Variants in PPP2CB observed in about 807,000 individuals in gnomAD.
PPP2CB encodes serine/threonine-protein phosphatase 2A catalytic subunit beta isoform.
In PPP2CB, 18 loss-of-function variants were observed where a neutral mutation model predicts 39.1. The observed-to-expected ratio is 0.46, with a 90% CI of 0.32 to 0.68. The LOEUF (loss-of-function observed/expected upper bound fraction) is 0.68, where lower values mean the gene tolerates loss of function less well. Ranked by LOEUF, PPP2CB falls within the 30% of genes least tolerant of loss-of-function variation. The pLI is 0.04. For synonymous variants in PPP2CB, 129 were observed against 133.8 expected (o/e 0.96, Z 0.25); for missense variants, 226 against 396.9 (o/e 0.57, Z 3.66).
chr8:30,789,234 T>C (rs1586120122), intron 6 of PPP2CB, among the ~76,000 whole-genome samples: 1 of 152,290 alleles, frequency 6.6e-6, no homozygotes, highest in Non-Finnish European at 1.5e-5. Context: ...TTCTCCATGT[T>C]GGTCAGGCTG....
chr8:30,797,218 T>TAACC (rs2128761329), intron 3 of PPP2CB, among the ~76,000 whole-genome samples: 1 of 152,336 alleles, frequency 6.6e-6, no homozygotes, highest in African/African-American at 2.4e-5. Context: ...TTATTCATGG[T>TAACC]AACCAGCAGA....
intron 6 of PPP2CB, 53 bp from the exon 7 acceptor site, chr8:30,786,360 C>G: frequency 7.1e-7 from 1 of 1,402,594 alleles, no homozygotes; most frequent in Non-Finnish European, 9.8e-7. Flanking sequence ...GCAAAGAAAA[C>G]AAATGAATAA....
intron 1 of PPP2CB, among the ~76,000 whole-genome samples, chr8:30,805,484 C>T (rs374759495): frequency 6.6e-6 from 1 of 151,956 alleles, no homozygotes; most frequent in Admixed American, 6.6e-5. Flanking sequence ...GGCATGAACC[C>T]GGTAGGCGGA....
chr8:30,802,879 T>A (rs181180512), intron 1 of PPP2CB, among the ~76,000 whole-genome samples: 1 of 152,204 alleles, frequency 6.6e-6, no homozygotes, highest in Non-Finnish European at 1.5e-5. Context: ...ACCCTGGAAA[T>A]GAAATTCAAA....
intron 5 of PPP2CB, chr8:30,793,417 A>T (rs1563214695): frequency 6.6e-6 from 1 of 152,530 alleles, no homozygotes; most frequent in African/African-American, 2.4e-5. Flanking sequence ...GACAATTAGC[A>T]AAATTTGAAT....
intron 3 of PPP2CB, among the ~76,000 whole-genome samples, chr8:30,797,293 G>A (rs183950549): frequency 6.6e-6 from 1 of 152,324 alleles, no homozygotes; most frequent in East Asian, 1.9e-4. Context: ...ATACATCAGT[G>A]TCTTAAACAT....
chr8:30,791,166 G>C (rs376984577), intron 6 of PPP2CB, 31 bp downstream of exon 6: 12 of 1,427,610 alleles, frequency 8.4e-6, no homozygotes, highest in Non-Finnish European at 1.2e-5. Context: ...CCTTCTGAAA[G>C]TATATACAAT....
At chr8:30,797,901 G>T in intron 2 of PPP2CB, 147 bp from the exon 3 acceptor site, 1 of 757,758 alleles carries the variant, frequency 1.3e-6, no homozygotes, top group Non-Finnish European at 2.0e-6. Flanking sequence ...TAAAAAACTT[G>T]CTTATTCATA....
chr8:30,805,402 C>T (rs112490998), intron 1 of PPP2CB, among the ~76,000 whole-genome samples: 21,067 of 151,698 alleles, frequency 0.14, 1,571 homozygotes, highest in African/African-American at 0.21. Flanking sequence ...CTATTAAAAA[C>T]ACAAAAAATT....
intron 1 of PPP2CB, among the ~76,000 whole-genome samples, chr8:30,806,228 G>A (rs982153251): frequency 9.0e-5 from 13 of 144,106 alleles, no homozygotes; most frequent in African/African-American, 3.1e-4. Flanking sequence ...TTTTTTTTTT[G>A]TATTTTTAGT....
Position 30,786,309 on chromosome 8 carries a change from T to A in PPP2CB, c.858-2A>T. The A allele has an allele frequency of 6.4e-7, 1 of 1,571,332 alleles. No homozygotes were observed. The highest frequency in any genetic ancestry group is 8.6e-7 in the Non-Finnish European group (1 of 1,157,574). On this transcript the variant is annotated splice_acceptor_variant, in intron 6 of 6. Transcript: ENST00000221138. LOFTEE classifies it high-confidence loss of function. The stretch of plus-strand genomic sequence containing the variant: ...CGAGGCGCTGGGTCAAATTGAAGGC[T>A]GTAAATGGCAAAAAAGGAAGCAAAT...
At chr8:30,792,357 T>C (rs1806452706) in intron 5 of PPP2CB, among the ~76,000 whole-genome samples, 1 of 151,874 alleles carries the variant, frequency 6.6e-6, no homozygotes, top group Non-Finnish European at 1.5e-5. Flanking sequence ...GCCAGCTCAT[T>C]AGCTATATTT....
chr8:30,805,132 G>A (rs1041953729), intron 1 of PPP2CB, among the ~76,000 whole-genome samples: 5 of 152,194 alleles, frequency 3.3e-5, no homozygotes, highest in African/African-American at 1.2e-4. Flanking sequence ...ACTGCCCACA[G>A]GAACAAGCGC....
intron 1 of PPP2CB, 73 bp downstream of exon 1, chr8:30,812,247 G>C: frequency 8.3e-7 from 1 of 1,211,070 alleles, no homozygotes; most frequent in African/African-American, 1.6e-5. Flanking sequence ...GGGCGGACGG[G>C]ACCGGGGCGG....
At chr8:30,789,779 T>C (rs1381605477) in intron 6 of PPP2CB, among the ~76,000 whole-genome samples, 32 of 152,206 alleles carry the variant, frequency 2.1e-4, no homozygotes, top group Admixed American at 2.1e-3. Flanking sequence ...ATCCATTTCC[T>C]GGGGCTGCCG....
At position 30,794,221 on chromosome 8, in the gene PPP2CB, G is replaced by A. The variant is rs747864298; in HGVS notation, c.547C>T (p.Leu183=). Residue 183 remains leucine (L), a synonymous_variant, in exon 4 of 7, where the codon CTG becomes TTG. Coordinates refer to ENST00000221138, the MANE Select transcript of PPP2CB (RefSeq NM_001009552.2). The part of the protein sequence containing the change: ...SIDTLDHIRA[L]DRLQEVPHEG... ...TGTGGAACTTCCTGTAAACGATCCA[G>A]GGCTCTTATATGATCCAGTGTGTCT... 16 of 1,613,832 alleles carry A rather than the reference G, an allele frequency of 9.9e-6. No individual in the cohort carries two copies. Among genetic ancestry groups the A allele is most frequent in the African/African-American group, 4.0e-5 (3 of 74,878 alleles).
At position 30,785,806 on chromosome 8, in the gene PPP2CB, T is replaced by C; in HGVS notation, c.*429A>G. On this transcript the variant is annotated 3_prime_UTR_variant, in exon 7 of 7. Coordinates refer to ENST00000221138, the MANE Select transcript of PPP2CB (RefSeq NM_001009552.2). ...TTTCTTCAGTTAAGTTAATTATACA[T>C]TTCAATAAAATAAAGGATAATGGAT... 3.3e-6 allele frequency: 1 copy of C among 306,658 alleles called. No homozygotes were observed. The highest frequency in any genetic ancestry group is 6.4e-6 in the Non-Finnish European group (1 of 156,018). The allele number at this position is 306,658 out of a possible 1,614,324, so 19.0% of individuals were successfully genotyped here. A position where few individuals can be genotyped will look rare whatever the true frequency, so the allele number is the denominator to read the frequency against.
At chr8:30,787,364 G>C (rs564035853) in intron 6 of PPP2CB, among the ~76,000 whole-genome samples, 46 of 152,270 alleles carry the variant, frequency 3.0e-4, no homozygotes, top group Admixed American at 5.2e-4. Flanking sequence ...TTTTGAGACA[G>C]GGTCTCACTC....
intron 1 of PPP2CB, among the ~76,000 whole-genome samples, chr8:30,802,317 C>T (rs548992502): frequency 6.6e-6 from 1 of 152,210 alleles, no homozygotes; most frequent in South Asian, 2.1e-4. Flanking sequence ...AAAACAGCTC[C>T]CAATACACCA....
Sources: gnomAD v4.1 joint callset for allele counts (sites outside exome capture counted in the v4.1 genomes callset) on GRCh38, gnomAD v4.1.1 for gene constraint, MANE v1.5 for transcripts, NCBI Gene and HGNC (gene_info 2026-07-23, HGNC 2026-07-21) for gene names.